AP1B1: variants seen among roughly 807,000 people sequenced by gnomAD.
The protein encoded by AP1B1 is adaptor related protein complex 1 subunit beta 1.
Under a neutral mutation model 104.3 loss-of-function variants are expected in AP1B1, and 36 were observed. That is an observed-to-expected ratio of 0.35 (90% CI 0.26 to 0.46). The LOEUF (loss-of-function observed/expected upper bound fraction) is 0.46. Among genes scored for constraint, AP1B1 ranks in the 20% least tolerant of loss-of-function variants. The probability of loss-of-function intolerance (pLI) is 1.00; values close to 1 mark genes in which losing one functional copy is unlikely to be tolerated. For synonymous variants in AP1B1, 504 were observed against 517.5 expected, an observed-to-expected ratio of 0.97 and a Z score of 0.35; for missense variants, 901 against 1,247.9, an observed-to-expected ratio of 0.72 and a Z score of 4.19.
rs2061543813 is a variant in AP1B1, at chr22:29,330,658, G to A, written c.2576C>T (p.Ala859Val). Residue 859 changes from alanine to valine, a missense_variant, in exon 20 of 23, where the codon GCC (alanine) becomes GTC (valine). Ala to Val is a moderately conservative substitution (Grantham distance 64). Transcript: ENST00000357586. ...TWKDIPNENE[A>V]QFQIRDCPLN... is the part of the protein sequence containing the mutation. ...GGGGCAGTCTCTGATCTGGAACTGGGCCTCATTCTCATTGGGAATATCCTT... is the reference window on the plus strand; with the variant it reads ...GGGGCAGTCTCTGATCTGGAACTGGACCTCATTCTCATTGGGAATATCCTT... 6.2e-7 allele frequency: 1 copy of A among 1,613,726 alleles called. No homozygotes were observed. Among genetic ancestry groups the A allele is most frequent in the African/African-American group, 1.3e-5 (1 of 74,922 alleles).
chr22:29,335,311 C>T (rs2061622727), intron 16 of AP1B1, among the ~76,000 whole-genome samples: 1 of 152,172 alleles, frequency 6.6e-6, no homozygotes, highest in South Asian at 2.1e-4. Context: ...AAGGCTCAGA[C>T]CCCACCGACA....
intron 19 of AP1B1, 119 bp from the exon 20 acceptor site, chr22:29,330,828 A>G: frequency 2.4e-6 from 2 of 818,480 alleles, no homozygotes; most frequent in Non-Finnish European, 3.9e-6. Context: ...GACAACAGGC[A>G]CTAGCTGCCG....
intron 12 of AP1B1, 32 bp from the exon 13 acceptor site, chr22:29,341,792 C>T: frequency 6.3e-7 from 1 of 1,580,702 alleles, no homozygotes; most frequent in South Asian, 1.2e-5. Flanking sequence ...CCATGAAACT[C>T]AGAGTAGCCA....
chr22:29,369,637 C>T (rs149141330), intron 1 of AP1B1, among the ~76,000 whole-genome samples: 1 of 152,312 alleles, frequency 6.6e-6, no homozygotes, highest in Non-Finnish European at 1.5e-5. Context: ...CCGCATGCGC[C>T]AGGCTCACAG....
Position 29,350,088 on chromosome 22 carries a change from C to A in AP1B1, c.1218G>T (p.Val406=), listed in dbSNP as rs200437061. Residue 406 remains valine, a synonymous_variant, in exon 10 of 23, where the codon GTG becomes GTT. Transcript: ENST00000357586. ...LDLIQTKVNY[V]VQEAIVVIKD... ...TGATGACCACGATGGCCTCCTGGAC[C>A]ACATAGTTGACCTTGGTCTGGATGA... 1 of 1,614,192 alleles carries A rather than the reference C, an allele frequency of 6.2e-7. No homozygotes were observed. The highest frequency in any genetic ancestry group is 8.5e-7 in the Non-Finnish European group (1 of 1,180,026).
At chr22:29,329,672 T>C (rs2061527534) in intron 22 of AP1B1, 40 bp downstream of exon 22, 2 of 1,612,614 alleles carry the variant, frequency 1.2e-6, no homozygotes, top group African/African-American at 1.3e-5. Flanking sequence ...GAGACAAGAC[T>C]GGGGAGGGCG....
Position 29,356,500 on chromosome 22 carries a change from G to A in AP1B1, c.642C>T (p.Cys214=), listed in dbSNP as rs768745267. The change falls in exon 6 of 23, where the codon TGC becomes TGT. Residue 214 remains cysteine (C), a synonymous_variant. Transcript: ENST00000357586. The part of the protein sequence containing the change: ...INKLLTALNE[C]TEWGQIFILD... ...GGATGAAGATCTGGCCCCACTCGGT[G>A]CACTCATTGAGGGCTGTCAGCAGCT... 7.4e-6 allele frequency: 12 copies of A among 1,614,138 alleles called. No homozygotes were observed.
In AP1B1 at chr22:29,334,334, A is replaced by G; in HGVS notation, c.2240T>C (p.Met747Thr). Residue 747 changes from methionine (M) to threonine (T), a missense_variant, in exon 17 of 23, where the codon ATG (methionine) becomes ACG (threonine). By Grantham distance (81) the Met-to-Thr change is moderately conservative (BLOSUM62 -1). Transcript: ENST00000357586. ...TFTRQVGSIS[M>T]DLQLTNKALQ... is the part of the protein sequence containing the mutation. Reference sequence around the variant, plus strand: ...GGCCTTGTTGGTCAGCTGCAGGTCCATGGAGATGGAGCCCACCTGGCGGGT... The same window carrying G: ...GGCCTTGTTGGTCAGCTGCAGGTCCGTGGAGATGGAGCCCACCTGGCGGGT... 3 of 1,611,592 alleles carry G rather than the reference A, an allele frequency of 1.9e-6. No individual in the cohort carries two copies. The highest frequency in any genetic ancestry group is 2.5e-6 in the Non-Finnish European group (3 of 1,179,232).
chr22:29,333,658 G>C (rs1020972678), intron 17 of AP1B1, among the ~76,000 whole-genome samples: 1 of 152,066 alleles, frequency 6.6e-6, no homozygotes, highest in Non-Finnish European at 1.5e-5. Context: ...AGACCAACCT[G>C]GGCAATACAC....
At position 29,330,552 on chromosome 22, in the gene AP1B1, T is replaced by A; in HGVS notation, c.2612-20A>T. On this transcript the variant is annotated intron_variant, in intron 20 of 22. Transcript: ENST00000357586. ...CAGCCTCTGTGGGGTCACATGGCCG[T>A]GAGAGGCCCCAGTCAGCGCGGGGGC... The A allele has an allele frequency of 6.2e-7, 1 of 1,609,848 alleles. No homozygotes were observed. The highest frequency in any genetic ancestry group is 8.5e-7 in the Non-Finnish European group (1 of 1,176,676).
intron 1 of AP1B1, among the ~76,000 whole-genome samples, chr22:29,382,400 T>C (rs1053160976): frequency 2.1e-4 from 32 of 152,222 alleles, no homozygotes; most frequent in Non-Finnish European, 3.1e-4. Context: ...TCAGTGTTCT[T>C]ATTCATACAT....
intron 1 of AP1B1, among the ~76,000 whole-genome samples, chr22:29,384,330 C>T (rs913532477): frequency 1.3e-5 from 2 of 152,092 alleles, no homozygotes; most frequent in Non-Finnish European, 2.9e-5. Flanking sequence ...CTGGTGGTAC[C>T]AACTGTAGTT....
At chr22:29,339,867 G>A in intron 14 of AP1B1, 93 bp from the exon 15 acceptor site, 1 of 1,358,650 alleles carries the variant, frequency 7.4e-7, no homozygotes, top group Non-Finnish European at 1.0e-6. Context: ...AGAGAGAAGG[G>A]AAAGAGGGAG....
intron 1 of AP1B1, among the ~76,000 whole-genome samples, chr22:29,368,849 C>T (rs1299888278): frequency 1.3e-5 from 2 of 151,890 alleles, no homozygotes; most frequent in Admixed American, 6.6e-5. Context: ...AGCACTTGAA[C>T]CCAGGAGGCA....
At chr22:29,334,116 G>T in intron 17 of AP1B1, 149 bp downstream of exon 17, 1 of 894,884 alleles carries the variant, frequency 1.1e-6, no homozygotes, top group Non-Finnish European at 1.6e-6. Flanking sequence ...GTTTTGGCCT[G>T]AGCGGTGGTG....
At chr22:29,359,135 A>G (rs548849077) in intron 4 of AP1B1, among the ~76,000 whole-genome samples, 164 bp from the exon 5 acceptor site, 1 of 152,256 alleles carries the variant, frequency 6.6e-6, no homozygotes, top group Non-Finnish European at 1.5e-5. Flanking sequence ...TAAATGCTAT[A>G]TAACCAGCAC....
intron 10 of AP1B1, 59 bp downstream of exon 10, chr22:29,349,976 C>A: frequency 1.5e-6 from 2 of 1,341,704 alleles, no homozygotes; most frequent in Admixed American, 1.7e-5. Context: ...TTTTCTGCCC[C>A]GCCATCCCTG....
At chr22:29,370,126 A>G (rs1379867341) in intron 1 of AP1B1, among the ~76,000 whole-genome samples, 1 of 152,142 alleles carries the variant, frequency 6.6e-6, no homozygotes, top group East Asian at 1.9e-4. Flanking sequence ...CACAGAAAGT[A>G]ACACAGAAAC....
intron 5 of AP1B1, among the ~76,000 whole-genome samples, chr22:29,357,903 G>T (rs2061985155): frequency 6.6e-6 from 1 of 151,116 alleles, no homozygotes; most frequent in African/African-American, 2.4e-5. Flanking sequence ...GGCCAGGATG[G>T]TCTCAATCTC....
Sources: gnomAD v4.1 joint callset for allele counts (sites outside exome capture counted in the v4.1 genomes callset) on GRCh38, gnomAD v4.1.1 for gene constraint, MANE v1.5 for transcripts, NCBI Gene and HGNC (gene_info 2026-07-23, HGNC 2026-07-21) for gene names.